Variants in PDIA5 observed in about 807,000 individuals in gnomAD.
The protein encoded by PDIA5 is protein disulfide-isomerase A5.
PDIA5 carries 58 observed loss-of-function variants against 77.6 expected under a neutral mutation model. The ratio of observed to expected loss-of-function variants is 0.75; its 90% CI spans 0.61 to 0.93. The LOEUF (loss-of-function observed/expected upper bound fraction) is 0.93, where lower values mean the gene tolerates loss of function less well. PDIA5 is among the 40% of genes least tolerant of loss of function. The pLI is 0.00. For missense variants in PDIA5, 630 were observed against 647.7 expected (o/e 0.97, Z 0.30); for synonymous variants, 250 against 252.1 (o/e 0.99, Z 0.08).
intron 10 of PDIA5, among the ~76,000 whole-genome samples, chr3:123,124,847 G>A (rs1163667666): frequency 6.6e-6 from 1 of 152,240 alleles, no homozygotes; most frequent in East Asian, 1.9e-4. Context: ...ACACAGCACT[G>A]TCTTAGGTGC....
chr3:123,160,275 C>T (rs904344603), intron 15 of PDIA5, among the ~76,000 whole-genome samples: 7 of 152,120 alleles, frequency 4.6e-5, no homozygotes, highest in African/African-American at 1.7e-4. Context: ...GGTGCATGAC[C>T]CTCAACCGGA....
chr3:123,142,955 G>A (rs776988884), intron 11 of PDIA5, among the ~76,000 whole-genome samples: 1 of 152,240 alleles, frequency 6.6e-6, no homozygotes, highest in African/African-American at 2.4e-5. Flanking sequence ...GTCAACCCAG[G>A]AGTTGTCTAC....
intron 8 of PDIA5, among the ~76,000 whole-genome samples, chr3:123,119,945 G>C (rs1165877377): frequency 6.6e-6 from 1 of 152,188 alleles, no homozygotes; most frequent in African/African-American, 2.4e-5. Flanking sequence ...GGGATGCACA[G>C]CCTTTGCCAT....
chr3:123,159,898 C>T lies in PDIA5; in HGVS notation c.1345-1423C>T, dbSNP rs868269700. The stretch of plus-strand genomic sequence containing the variant: ...TGATGAGTAAACGTGGCCATGGGGG[C>T]CCACAGGATTCTCCTACCTGGAAAG... On this transcript the variant is annotated intron_variant, in intron 15 of 16. Coordinates refer to ENST00000316218, the MANE Select transcript of PDIA5 (RefSeq NM_006810.4). Among the ~76,000 whole-genome samples the T allele has an allele frequency of 2.6e-5, 4 of 152,280 alleles. No homozygotes were observed. The South Asian group carries it at 8.3e-4, about 32-fold the overall frequency.
rs1241360740 is a variant in PDIA5, at chr3:123,108,281, C to CTT, written c.480+1456_480+1457dup. Reference sequence around the variant, plus strand: ...GCCAGTATTGTCATCTTGAAGATGTCTTTTTTTTTTTTTTTTTGAGACAGA... The same window carrying CTT: ...GCCAGTATTGTCATCTTGAAGATGTCTTTTTTTTTTTTTTTTTTTGAGACAGA... On this transcript the variant is annotated intron_variant, in intron 6 of 16. Coordinates refer to ENST00000316218, the MANE Select transcript of PDIA5 (RefSeq NM_006810.4). 1.1e-3 allele frequency among the ~76,000 whole-genome samples: 145 copies of CTT among 133,744 alleles called. 1 individual carries two copies. The highest frequency in any genetic ancestry group is 1.9e-3 in the African/African-American group (69 of 36,432). The allele number at this position is 133,744 out of a possible 152,430, so 87.7% of individuals were successfully genotyped here. A position where few individuals can be genotyped will look rare whatever the true frequency, so the allele number is the denominator to read the frequency against.
intron 5 of PDIA5, among the ~76,000 whole-genome samples, chr3:123,105,744 C>T (rs1347537385): frequency 8.5e-6 from 1 of 117,966 alleles, no homozygotes; most frequent in East Asian, 2.1e-4. Flanking sequence ...CACACGCACA[C>T]ACACACACAC....
At chr3:123,090,574 A>G (rs1934258257) in intron 2 of PDIA5, among the ~76,000 whole-genome samples, 2 of 152,246 alleles carry the variant, frequency 1.3e-5, no homozygotes, top group South Asian at 2.1e-4. Flanking sequence ...TTCCAGCAGC[A>G]GGTGGGAGCT....
At chr3:123,159,781 G>T (rs1020187807) in intron 15 of PDIA5, among the ~76,000 whole-genome samples, 1 of 152,042 alleles carries the variant, frequency 6.6e-6, no homozygotes, top group East Asian at 1.9e-4. Context: ...GAGGGTGAGG[G>T]GGGTGAAGGT....
intron 1 of PDIA5, among the ~76,000 whole-genome samples, chr3:123,082,752 G>C (rs1240183864): frequency 6.6e-6 from 1 of 152,124 alleles, no homozygotes; most frequent in Non-Finnish European, 1.5e-5. Context: ...TAGATTCTTT[G>C]TCATCTCTCC....
At chr3:123,132,763 C>A (rs1182999384) in intron 11 of PDIA5, among the ~76,000 whole-genome samples, 3 of 152,176 alleles carry the variant, frequency 2.0e-5, no homozygotes, top group African/African-American at 7.2e-5. Context: ...ATCCTTGCAC[C>A]CCTGTCCCAG....
In PDIA5 at chr3:123,160,203, C is replaced by T. The variant is rs180842814; in HGVS notation, c.1345-1118C>T. ...GGACTCATTCTCATGGGAATCTGCC[C>T]CATCTTCCATAACACCTCTGTACTG... On this transcript the variant is annotated intron_variant, in intron 15 of 16. Coordinates refer to ENST00000316218, the MANE Select transcript of PDIA5 (RefSeq NM_006810.4). Among the ~76,000 whole-genome samples the T allele has an allele frequency of 3.3e-3, 509 of 152,278 alleles. 3 individuals carry two copies. The highest frequency in any genetic ancestry group is 0.011 in the African/African-American group (464 of 41,550).
At chr3:123,159,362 G>A (rs963438436) in intron 15 of PDIA5, among the ~76,000 whole-genome samples, 3 of 152,170 alleles carry the variant, frequency 2.0e-5, no homozygotes, top group Non-Finnish European at 4.4e-5. Context: ...AAATAATAAA[G>A]TGCGTTAGAG....
chr3:123,161,290 C>G lies in PDIA5; in HGVS notation c.1345-31C>G, dbSNP rs773078111. ...GTCCAGGCCTCAGCCTGGGGACACC[C>G]TGTGCCAACTCTCTTTACCTTGGCT... is the stretch of plus-strand genomic sequence containing the variant. On this transcript the variant is annotated intron_variant, in intron 15 of 16. Coordinates refer to ENST00000316218, the MANE Select transcript of PDIA5 (RefSeq NM_006810.4). 15 of 1,608,352 alleles carry G rather than the reference C, an allele frequency of 9.3e-6. No individual in the cohort carries two copies. The African/African-American group carries it at 1.7e-4, about 19-fold the overall frequency.
chr3:123,150,336 A>G lies in PDIA5; in HGVS notation c.1245A>G (p.Lys415=), dbSNP rs1399156926. The G allele has an allele frequency of 1.2e-6, 2 of 1,613,856 alleles. No homozygotes were observed. The highest frequency in any genetic ancestry group is 3.3e-5 in the Admixed American group (2 of 59,994). Residue 415 remains lysine (K), a synonymous_variant, in exon 14 of 17, where the codon AAA becomes AAG. Transcript: ENST00000316218. ...TCCGGGAGACCCTGAAGAAGAAGAAACACACCTTGGTCATGTTCTACGCCC... is the reference window on the plus strand; with the variant it reads ...TCCGGGAGACCCTGAAGAAGAAGAAGCACACCTTGGTCATGTTCTACGCCC... ...DNFRETLKKK[K]HTLVMFYAPW...
At chr3:123,112,707 G>C (rs1200118527) in intron 7 of PDIA5, among the ~76,000 whole-genome samples, 1 of 151,816 alleles carries the variant, frequency 6.6e-6, no homozygotes, top group Admixed American at 6.6e-5. Context: ...ATAGGTGCCC[G>C]CCATGAGGCC....
At chr3:123,107,643 T>C (rs1014737313) in intron 6 of PDIA5, among the ~76,000 whole-genome samples, 12 of 152,226 alleles carry the variant, frequency 7.9e-5, no homozygotes, top group Non-Finnish European at 7.3e-5. Context: ...ATGCCTTCAC[T>C]TGGGATGGGC....
At chr3:123,152,916 T>G (rs1004867354) in intron 14 of PDIA5, among the ~76,000 whole-genome samples, 4 of 151,464 alleles carry the variant, frequency 2.6e-5, no homozygotes, top group African/African-American at 9.7e-5. Context: ...TGTTCCTCTT[T>G]CCCCACTCTG....
rs116708515 is a variant in PDIA5, at chr3:123,140,474, G to A, written c.911-5048G>A. On this transcript the variant is annotated intron_variant, in intron 11 of 16. Transcript: ENST00000316218. ...AAATGCCATAGAAATATCTGAATAA[G>A]AAGTATTTTGTAATTAGAAGAGAGA... 3.0e-3 allele frequency among the ~76,000 whole-genome samples: 455 copies of A among 152,328 alleles called. 2 individuals are homozygous for A. Among genetic ancestry groups the A allele is most frequent in the African/African-American group, 0.011 (441 of 41,584 alleles).
intron 11 of PDIA5, among the ~76,000 whole-genome samples, chr3:123,132,388 ACT>A (rs1481088393): frequency 1.3e-5 from 2 of 152,160 alleles, no homozygotes; most frequent in Admixed American, 1.3e-4. Context: ...TTCTTAGGAG[ACT>A]CTAAAGGAAT....
Sources: gnomAD v4.1 joint callset for allele counts (sites outside exome capture counted in the v4.1 genomes callset) on GRCh38, gnomAD v4.1.1 for gene constraint, MANE v1.5 for transcripts, NCBI Gene and HGNC (gene_info 2026-07-23, HGNC 2026-07-21) for gene names.